The following GNG12 variants were observed in gnomAD, a reference collection of about 807,000 sequenced individuals.
GNG12 encodes the protein G protein subunit gamma 12.
For missense variants in GNG12, 69 were observed against 83.8 expected (o/e 0.82, Z 0.69); for synonymous variants, 28 against 29.7 (o/e 0.94, Z 0.19).
chr1:67,815,622 C>T (rs948203782), intron 1 of GNG12, among the ~76,000 whole-genome samples: 1 of 152,102 alleles, frequency 6.6e-6, no homozygotes, highest in African/African-American at 2.4e-5. Flanking sequence ...TACCTAGCAG[C>T]ATACACCAAT....
intron 2 of GNG12, among the ~76,000 whole-genome samples, chr1:67,753,551 G>A (rs1456110276): frequency 6.6e-6 from 1 of 152,150 alleles, no homozygotes; most frequent in Admixed American, 6.5e-5. Flanking sequence ...GGGGGCCAGG[G>A]CAGCCCCGAT....
intron 2 of GNG12, among the ~76,000 whole-genome samples, chr1:67,754,328 T>A (rs1437625633): frequency 1.3e-5 from 2 of 152,082 alleles, no homozygotes; most frequent in African/African-American, 4.8e-5. Context: ...CTCCGCCTAT[T>A]GTTGTGGTCT....
intron 2 of GNG12, among the ~76,000 whole-genome samples, chr1:67,747,443 G>A (rs546081373): frequency 4.6e-5 from 7 of 152,300 alleles, no homozygotes; most frequent in African/African-American, 9.6e-5. Context: ...TTGAGTGTTC[G>A]ATGGCCCAAG....
intron 2 of GNG12, among the ~76,000 whole-genome samples, chr1:67,731,988 A>G (rs632959): frequency 0.71 from 108,343 of 152,128 alleles, 38,712 homozygotes; most frequent in African/African-American, 0.76. Context: ...CTTAATGAAT[A>G]TGCAATGTCC....
chr1:67,771,451 G>A (rs1646674070), intron 2 of GNG12, among the ~76,000 whole-genome samples: 1 of 152,246 alleles, frequency 6.6e-6, no homozygotes, highest in South Asian at 2.1e-4. Context: ...ACATCTATCT[G>A]TGAGCTCTTG....
intron 2 of GNG12, among the ~76,000 whole-genome samples, chr1:67,747,657 C>T (rs968107242): frequency 3.3e-5 from 5 of 152,300 alleles, no homozygotes; most frequent in African/African-American, 1.2e-4. Flanking sequence ...AATATTAATG[C>T]TATCTGCTTC....
chr1:67,752,280 C>T (rs572730186), intron 2 of GNG12, among the ~76,000 whole-genome samples: 16 of 152,326 alleles, frequency 1.1e-4, no homozygotes, highest in African/African-American at 3.4e-4. Context: ...CAGGATGTTG[C>T]TCTGGTTCCA....
rs1473054600 is a variant in GNG12 at position 67,833,447 on chromosome 1, G to C, written c.-180C>G. The C allele has an allele frequency of 4.1e-6, 4 of 985,114 alleles. No homozygotes were observed. Among genetic ancestry groups the C allele is most frequent in the African/African-American group, 1.8e-5 (1 of 57,078 alleles). The allele number at this position is 985,114 out of a possible 1,614,324, so 61.0% of individuals were successfully genotyped here. A position where few individuals can be genotyped will look rare whatever the true frequency, so the allele number is the denominator to read the frequency against. ...CTCCTCCTCCTCCTCTTGCTCCTCC[G>C]GGCGCCGGCTCCGCCTCGCTGGGGT... On this transcript the variant is annotated 5_prime_UTR_variant, in exon 1 of 4. Coordinates refer to ENST00000370982, the MANE Select transcript of GNG12 (RefSeq NM_018841.6).
chr1:67,802,784 C>T (rs780208081), intron 1 of GNG12, among the ~76,000 whole-genome samples: 2 of 152,158 alleles, frequency 1.3e-5, no homozygotes, highest in African/African-American at 2.4e-5. Context: ...TTTACTCCTG[C>T]CCACCACTCC....
intron 2 of GNG12, among the ~76,000 whole-genome samples, chr1:67,732,056 A>G (rs1435258694): frequency 6.6e-6 from 1 of 152,222 alleles, no homozygotes; most frequent in Non-Finnish European, 1.5e-5. Flanking sequence ...AAAAGAAAAA[A>G]CACACAGGAG....
At chr1:67,782,069 T>C (rs1051269999) in intron 1 of GNG12, among the ~76,000 whole-genome samples, 1 of 152,194 alleles carries the variant, frequency 6.6e-6, no homozygotes, top group African/African-American at 2.4e-5. Flanking sequence ...AGGTACTATA[T>C]GGTTTCACTT....
intron 2 of GNG12, among the ~76,000 whole-genome samples, chr1:67,744,917 G>C (rs1329210276): frequency 1.3e-5 from 2 of 152,186 alleles, no homozygotes; most frequent in Non-Finnish European, 2.9e-5. Flanking sequence ...TCACAGGCTG[G>C]AGCCAGAATG....
At chr1:67,759,516 T>C (rs537206677) in intron 2 of GNG12, among the ~76,000 whole-genome samples, 27 of 152,352 alleles carry the variant, frequency 1.8e-4, no homozygotes, top group Middle Eastern at 3.4e-3. Context: ...GCTGTAATTA[T>C]TATAATCTTG....
chr1:67,713,009 A>G (rs1199490095), intron 2 of GNG12, among the ~76,000 whole-genome samples: 3 of 152,138 alleles, frequency 2.0e-5, no homozygotes. Context: ...GATTACAGGC[A>G]TGAGCCACCA....
At chr1:67,749,670 T>C (rs1188696861) in intron 2 of GNG12, among the ~76,000 whole-genome samples, 1 of 152,190 alleles carries the variant, frequency 6.6e-6, no homozygotes, top group Middle Eastern at 3.2e-3. Flanking sequence ...CAGGACAGAC[T>C]GGTTGATCTG....
chr1:67,726,487 C>T (rs1319992513), intron 2 of GNG12, among the ~76,000 whole-genome samples: 1 of 152,174 alleles, frequency 6.6e-6, no homozygotes, highest in Non-Finnish European at 1.5e-5. Flanking sequence ...AACACTTCAT[C>T]CAGTGAAATG....
At chr1:67,778,601 C>T (rs1424291365) in intron 1 of GNG12, among the ~76,000 whole-genome samples, 1 of 152,096 alleles carries the variant, frequency 6.6e-6, no homozygotes, top group Non-Finnish European at 1.5e-5. Flanking sequence ...CCATCTTACC[C>T]CAATTAAACG....
intron 2 of GNG12, among the ~76,000 whole-genome samples, chr1:67,732,913 TGA>T (rs1478882258): frequency 6.6e-6 from 1 of 152,130 alleles, no homozygotes; most frequent in African/African-American, 2.4e-5. Context: ...CAGGCCTGAG[TGA>T]TTAAGCGCTT....
intron 1 of GNG12, among the ~76,000 whole-genome samples, chr1:67,785,838 A>G (rs1269982226): frequency 3.3e-5 from 5 of 152,196 alleles, no homozygotes; most frequent in Admixed American, 2.0e-4. Flanking sequence ...GTTTCCAACC[A>G]TGTACAAATC....
Sources: gnomAD v4.1 joint callset for allele counts (sites outside exome capture counted in the v4.1 genomes callset) on GRCh38, gnomAD v4.1.1 for gene constraint, MANE v1.5 for transcripts, NCBI Gene and HGNC (gene_info 2026-07-23, HGNC 2026-07-21) for gene names.